Variants in PSRC1 observed in about 807,000 individuals in gnomAD.
PSRC1 encodes proline and serine rich coiled-coil 1.
A neutral mutation model predicts 31.9 loss-of-function variants in PSRC1; 30 were observed. That is an observed-to-expected ratio of 0.94 (90% confidence interval 0.70 to 1.28). PSRC1 has a LOEUF of 1.28. Ranked by LOEUF, PSRC1 falls within the 50% of genes most tolerant of loss-of-function variation. The probability of loss-of-function intolerance (pLI) is 0.00; values close to 1 mark genes in which losing one functional copy is unlikely to be tolerated. For missense variants in PSRC1, 481 were observed against 472.8 expected (o/e 1.02, Z -0.16); for synonymous variants, 191 against 192.1 (o/e 0.99, Z 0.05).
chr1:109,279,801 C>CA (rs1355287681), exon 7 of PSRC1: 2 of 318,022 alleles, frequency 6.3e-6, no homozygotes, highest in African/African-American at 4.1e-5. Context: ...TCCAGTGAAC[C>CA]AATGCCAAGG....
At chr1:109,279,991 A>G in exon 7 of PSRC1, 1 of 861,230 alleles carries the variant, frequency 1.2e-6, no homozygotes, top group Non-Finnish European at 2.0e-6. Context: ...AATCCACCCC[A>G]TTTCCCATGG....
intron 3 of PSRC1, 125 bp downstream of exon 3, chr1:109,282,393 G>T (rs767531830): frequency 3.6e-5 from 30 of 841,314 alleles, no homozygotes; most frequent in Admixed American, 1.3e-4. Flanking sequence ...TCAGCCAGCC[G>T]CCCAGCAGCC....
At chr1:109,279,944 C>G in exon 7 of PSRC1, 2 of 663,060 alleles carry the variant, frequency 3.0e-6, no homozygotes, top group South Asian at 3.8e-5. Context: ...AATCTTCTTT[C>G]AACCCAGAGA....
exon 3 of PSRC1, chr1:109,282,564 T>A: frequency 6.2e-7 from 1 of 1,614,066 alleles, no homozygotes; most frequent in Non-Finnish European, 8.5e-7. Context: ...TCATCCACAA[T>A]AAACCTTACA....
In PSRC1 at chr1:109,282,510, G is replaced by A. The variant is rs1329359950; in HGVS notation, c.77+8C>T. On this transcript the variant is annotated splice_region_variant and intron_variant, in intron 3 of 6. Transcript: ENST00000409138. ...AGAGGAAAATAAGTGGGATAAAGAG[G>A]CTGGTACCTGTCAGATGGTGACAGC... 1.2e-6 allele frequency: 2 copies of A among 1,611,704 alleles called. No homozygotes were observed. Among genetic ancestry groups the A allele is most frequent in the Non-Finnish European group, 1.7e-6 (2 of 1,178,310 alleles).
exon 7 of PSRC1, chr1:109,280,101 G>A (rs750851141): frequency 1.2e-6 from 2 of 1,613,402 alleles, no homozygotes; most frequent in South Asian, 1.1e-5. Flanking sequence ...GCGAGTCCAG[G>A]TACTGACTGT....
rs147154905 is a variant in PSRC1 at position 109,281,818 on chromosome 1, C to T, written c.320G>A (p.Arg107Gln). 273 of 1,614,038 alleles carry T rather than the reference C, an allele frequency of 1.7e-4. 1 individual carries two copies. The highest frequency in any genetic ancestry group is 9.0e-4 in the South Asian group (82 of 91,082). The change falls in exon 4 of 7, where the codon CGA becomes CAA. Residue 107 changes from arginine (R) to glutamine (Q), a missense_variant. Coordinates refer to ENST00000409138, the Ensembl canonical transcript of PSRC1. ...CTCCCGCCGAGGACTGGGCTTCACT[C>T]GGCGAGGCCCCAGGCCCTCGCCTGC...
Position 109,280,978 on chromosome 1 carries a change from G to A in PSRC1, c.793C>T (p.Arg265Trp), listed in dbSNP as rs777044777. The A allele has an allele frequency of 1.2e-5, 20 of 1,611,650 alleles. No individual in the cohort carries two copies. Among genetic ancestry groups the A allele is most frequent in the Admixed American group, 1.7e-5 (1 of 59,944 alleles). ...GATTTAGCAGCTGCTCCCTGCGGCCGGGGCAGGCGTTGAGAGTTGCTGGTA... is the reference window on the plus strand; with the variant it reads ...GATTTAGCAGCTGCTCCCTGCGGCCAGGGCAGGCGTTGAGAGTTGCTGGTA... The change falls in exon 5 of 7, where the codon CGG becomes TGG. Residue 265 changes from arginine to tryptophan, a missense_variant. Transcript: ENST00000409138.
intron 2 of PSRC1, 26 bp downstream of exon 2, chr1:109,282,654 C>G (rs1657375748): frequency 6.3e-7 from 1 of 1,581,940 alleles, no homozygotes. Context: ...TCCTCCCTTT[C>G]ATTCTTCCCT....
intron 4 of PSRC1, 53 bp from the exon 5 acceptor site, chr1:109,281,304 C>T: frequency 1.4e-6 from 2 of 1,419,716 alleles, no homozygotes; most frequent in Non-Finnish European, 1.9e-6. Flanking sequence ...AATATCTGTT[C>T]TGTGGCTTAA....
At chr1:109,280,566 G>A (rs1477038259) in intron 5 of PSRC1, 77 bp from the exon 7 acceptor site, 13 of 1,249,998 alleles carry the variant, frequency 1.0e-5, no homozygotes, top group Non-Finnish European at 3.4e-6. Flanking sequence ...GATGAAGGGA[G>A]CGAGTGTGGG....
rs930599265 is a variant in PSRC1 at position 109,282,210 on chromosome 1, GAT to G, written c.78-152_78-151del. On this transcript the variant is annotated intron_variant, in intron 3 of 6. Transcript: ENST00000409138. Reference sequence around the variant, plus strand: ...TGGCTGTGAGATGTGGCCTCTGGGCGATGAGATACCTGGTTCTATGGGGCCTA... The same window carrying G: ...TGGCTGTGAGATGTGGCCTCTGGGCGGAGATACCTGGTTCTATGGGGCCTA... 32 of 709,526 alleles carry G rather than the reference GAT, an allele frequency of 4.5e-5. No homozygotes were observed. In the African/African-American group the frequency reaches 5.5e-4, roughly 12 times the overall value. The allele number at this position is 709,526 out of a possible 1,614,324, so 44.0% of individuals were successfully genotyped here.
At chr1:109,279,660 A>G (rs1453031984) in exon 7 of PSRC1, 1 of 161,968 alleles carries the variant, frequency 6.2e-6, no homozygotes, top group African/African-American at 2.4e-5. Flanking sequence ...TTCACAGGAA[A>G]CAATTTCTGA....
chr1:109,282,241 G>A (rs570990745), intron 3 of PSRC1, 181 bp from the exon 4 acceptor site: 1 of 632,662 alleles, frequency 1.6e-6, no homozygotes, highest in East Asian at 2.8e-5. Flanking sequence ...GGGCCTAATA[G>A]GCCTTTAGCA....
chr1:109,280,839 G>A, exon 5 of PSRC1: 1 of 1,611,606 alleles, frequency 6.2e-7, no homozygotes, highest in Non-Finnish European at 8.5e-7. Context: ...CCCTTTTCGA[G>A]TTGACAGAGA....
At chr1:109,280,398 G>T in exon 6 of PSRC1, 1 of 1,606,302 alleles carries the variant, frequency 6.2e-7, no homozygotes, top group Non-Finnish European at 8.5e-7. Flanking sequence ...AGACTGACCT[G>T]GTAGGTCCTG....
chr1:109,282,901 G>C, intron 1 of PSRC1, 162 bp downstream of exon 1: 1 of 652,926 alleles, frequency 1.5e-6, no homozygotes, highest in Non-Finnish European at 2.6e-6. Context: ...CGATACGGAG[G>C]GCTCCCCCAA....
At chr1:109,280,559 G>T in intron 5 of PSRC1, 70 bp from the exon 7 acceptor site, 1 of 1,306,330 alleles carries the variant, frequency 7.7e-7, no homozygotes, top group Non-Finnish European at 1.1e-6. Flanking sequence ...AATACTGGAT[G>T]AAGGGAGCGA....
In PSRC1 at chr1:109,281,806, C is replaced by T. The variant is rs371635744; in HGVS notation, c.332G>A (p.Ser111Asn). The T allele has an allele frequency of 6.1e-5, 99 of 1,613,962 alleles. No individual in the cohort carries two copies. Among genetic ancestry groups the T allele is most frequent in the Non-Finnish European group, 8.0e-5 (94 of 1,180,038 alleles). Residue 111 changes from serine to asparagine, a missense_variant, in exon 4 of 7, where the codon AGT becomes AAT. By Grantham distance (46) the Ser-to-Asn change is conservative. Coordinates refer to ENST00000409138, the Ensembl canonical transcript of PSRC1. ...CAGCACAAAGGTCTCCCGCCGAGGA[C>T]TGGGCTTCACTCGGCGAGGCCCCAG...
Sources: allele counts gnomAD v4.1 joint callset, GRCh38; gene constraint gnomAD v4.1.1; transcripts MANE v1.5; gene names NCBI Gene and HGNC (gene_info 2026-07-23, HGNC 2026-07-21).